TYMS: variants seen among roughly 807,000 people sequenced by gnomAD.
TYMS encodes thymidylate synthetase.
TYMS carries 21 observed loss-of-function variants against 39.3 expected under a neutral mutation model. That is an observed-to-expected ratio of 0.54 (90% confidence interval 0.38 to 0.77). TYMS has a LOEUF of 0.77. Among genes scored for constraint, TYMS ranks in the 30% least tolerant of loss-of-function variants. The probability of loss-of-function intolerance (pLI) is 0.00; values close to 1 mark genes in which losing one functional copy is unlikely to be tolerated. For synonymous variants in TYMS, 171 were observed against 162.2 expected, an observed-to-expected ratio of 1.05 and a Z score of -0.41; for missense variants, 273 against 406.7, an observed-to-expected ratio of 0.67 and a Z score of 2.83.
At position 670,711 on chromosome 18, in the gene TYMS, G is replaced by A. The variant is rs1285151723; in HGVS notation, c.576G>A (p.Leu192=). 3.7e-6 allele frequency: 6 copies of A among 1,614,008 alleles called. No individual in the cohort carries two copies. In the Admixed American group the frequency reaches 1.0e-4, roughly 27 times the overall value. ...WNPRDLPLMA[L]PPCHALCQFY... Reference sequence around the variant, plus strand: ...CCTCAGATCTTCCTCTGATGGCGCTGCCTCCATGCCATGCCCTCTGCCAGT... The same window carrying A: ...CCTCAGATCTTCCTCTGATGGCGCTACCTCCATGCCATGCCCTCTGCCAGT... Residue 192 remains leucine, a synonymous_variant, in exon 5 of 7, where the codon CTG becomes CTA. Transcript: ENST00000323274.
intron 3 of TYMS, among the ~76,000 whole-genome samples, chr18:665,507 T>C (rs1396800494): frequency 1.4e-5 from 2 of 142,510 alleles, no homozygotes; most frequent in African/African-American, 2.7e-5. Flanking sequence ...TTTGTGTCTC[T>C]ATTTCCTTCA....
chr18:670,790 A>G lies in TYMS; in HGVS notation c.655A>G (p.Met219Val). 6.2e-7 allele frequency: 1 copy of G among 1,614,072 alleles called. No homozygotes were observed. ...CCAGCTGTACCAGAGATCGGGAGACATGGGCCTCGGTGTGCCTTTCAACAT... is the reference window on the plus strand; with the variant it reads ...CCAGCTGTACCAGAGATCGGGAGACGTGGGCCTCGGTGTGCCTTTCAACAT... ...SCQLYQRSGD[M>V]GLGVPFNIAS... Residue 219 changes from methionine (M) to valine (V), a missense_variant, in exon 5 of 7, where the codon ATG (methionine) becomes GTG (valine). Around this residue, in one of 3 missense-constraint regions of TYMS, gnomAD observed 228 missense variants for 326.1 expected, o/e 0.70. Coordinates refer to ENST00000323274, the MANE Select transcript of TYMS (RefSeq NM_001071.4).
chr18:659,871 A>G (rs2606240), intron 2 of TYMS, among the ~76,000 whole-genome samples, 157 bp downstream of exon 2: 84,590 of 152,000 alleles, frequency 0.56, 25,140 homozygotes, highest in African/African-American at 0.78. Flanking sequence ...TAGGAATTTG[A>G]GACCAGCCTG....
At chr18:669,486 C>T (rs183830515) in intron 4 of TYMS, 51 of 213,776 alleles carry the variant, frequency 2.4e-4, no homozygotes, top group Non-Finnish European at 2.8e-5. Flanking sequence ...GATTCTCCTG[C>T]CTCAGCCTCC....
rs948933890 is a variant in TYMS, at chr18:660,204, T to C, written c.279+490T>C. The stretch of plus-strand genomic sequence containing the variant: ...TCAGCTCTGACCTTAGCTGCTGCTC[T>C]CTGCACCAGCCCTGCTGTTCTTGTG... On this transcript the variant is annotated intron_variant, in intron 2 of 6. Coordinates refer to ENST00000323274, the MANE Select transcript of TYMS (RefSeq NM_001071.4). The surrounding 1 kb of genome is among the most constrained non-coding windows in gnomAD (Gnocchi z 4.6). 3.3e-5 allele frequency among the ~76,000 whole-genome samples: 5 copies of C among 152,202 alleles called. No individual in the cohort carries two copies. Among genetic ancestry groups the C allele is most frequent in the African/African-American group, 4.8e-5 (2 of 41,452 alleles).
rs761906575 is a variant in TYMS, at chr18:662,182, G to A, written c.316G>A (p.Val106Met). The part of the protein sequence containing the change: ...TNAKELSSKG[V>M]KIWDANGSRD... The stretch of plus-strand genomic sequence containing the variant: ...TGCTAAAGAGCTGTCTTCCAAGGGA[G>A]TGAAAATCTGGGATGCCAATGGATC... Residue 106 changes from valine to methionine, a missense_variant, in exon 3 of 7, where the codon GTG becomes ATG. Transcript: ENST00000323274. 1 of 1,613,768 alleles carries A rather than the reference G, an allele frequency of 6.2e-7. No individual in the cohort carries two copies.
At chr18:661,560 C>T (rs2074755702) in intron 2 of TYMS, among the ~76,000 whole-genome samples, 1 of 152,190 alleles carries the variant, frequency 6.6e-6, no homozygotes, top group Non-Finnish European at 1.5e-5. Context: ...TACTTAAAAG[C>T]ACTTGGAGGT....
rs1215527280 is a variant in TYMS, at chr18:658,078, A to C, written c.205+131A>C. On this transcript the variant is annotated intron_variant, in intron 1 of 6. Coordinates refer to ENST00000323274, the MANE Select transcript of TYMS (RefSeq NM_001071.4). This position sits in a 1 kb window ranked among gnomAD's most constrained non-coding sequence, Gnocchi z 4.5. ...CTCAATCCTGCGAGGGAGGGGACGC[A>C]TCGTCCTCCTCGCCTTACAGACGCC... is the stretch of plus-strand genomic sequence containing the variant. 1 of 1,576,450 alleles carries C rather than the reference A, an allele frequency of 6.3e-7. No individual in the cohort carries two copies. Among genetic ancestry groups the C allele is most frequent in the Non-Finnish European group, 8.6e-7 (1 of 1,164,538 alleles).
chr18:673,322 G>C lies in TYMS; in HGVS notation c.*325G>C, dbSNP rs957258743. ...CCACGTACTTATAAAGAAGGTTGGT[G>C]AATTTCACAAGCTATTTTTGGAATA... On this transcript the variant is annotated 3_prime_UTR_variant, in exon 7 of 7. Coordinates refer to ENST00000323274, the MANE Select transcript of TYMS (RefSeq NM_001071.4). 1 of 240,350 alleles carries C rather than the reference G, an allele frequency of 4.2e-6. No individual in the cohort carries two copies. Among genetic ancestry groups the C allele is most frequent in the Non-Finnish European group, 8.1e-6 (1 of 123,696 alleles). The allele number at this position is 240,350 out of a possible 1,614,324, so 14.9% of individuals were successfully genotyped here.
Position 669,035 on chromosome 18 carries a change from T to C in TYMS, c.455-37T>C, listed in dbSNP as rs778732526. On this transcript the variant is annotated intron_variant, in intron 3 of 6. Transcript: ENST00000323274. ...GCCATCTCATGACATGTGTGATTAATGTATGTACCTGTCCTCTCTTTTTGA... is the reference window on the plus strand; with the variant it reads ...GCCATCTCATGACATGTGTGATTAACGTATGTACCTGTCCTCTCTTTTTGA... 30 of 1,540,090 alleles carry C rather than the reference T, an allele frequency of 1.9e-5. No individual in the cohort carries two copies. The South Asian group carries it at 2.7e-4, about 14-fold the overall frequency.
intron 6 of TYMS, chr18:672,417 T>TCTGTTCA (rs2144406069): frequency 6.5e-6 from 1 of 154,732 alleles, no homozygotes; most frequent in Admixed American, 6.3e-5. Context: ...ATTGCCACTG[T>TCTGTTCA]CTGTTCATCC....
intron 3 of TYMS, among the ~76,000 whole-genome samples, chr18:667,935 T>C (rs2074888932): frequency 6.6e-6 from 1 of 151,862 alleles, no homozygotes; most frequent in Non-Finnish European, 1.5e-5. Context: ...GCTGTTGGAT[T>C]TTAGTAGGAA....
chr18:671,715 T>C (rs1421521274), intron 6 of TYMS: 1 of 495,378 alleles, frequency 2.0e-6, no homozygotes, highest in Non-Finnish European at 3.5e-6. Flanking sequence ...AGCCAGGGGA[T>C]TGTCCAAAAG....
rs949758371 is a variant in TYMS, at chr18:659,553, C to T, written c.206-88C>T. ...GCTTTCTGGATGCTCCAGGGCCTCA[C>T]GTCCCAGGGCAGTTTTCTTCCCTGA... On this transcript the variant is annotated intron_variant, in intron 1 of 6. Transcript: ENST00000323274. 8.0e-6 allele frequency: 9 copies of T among 1,130,660 alleles called. No individual in the cohort carries two copies. The African/African-American group carries it at 9.2e-5, about 12-fold the overall frequency. The allele number at this position is 1,130,660 out of a possible 1,614,324, so 70.0% of individuals were successfully genotyped here. A position where few individuals can be genotyped will look rare whatever the true frequency, so the allele number is the denominator to read the frequency against.
chr18:669,525 A>AC (rs1182568232), intron 4 of TYMS: 1 of 197,996 alleles, frequency 5.1e-6, no homozygotes, highest in Non-Finnish European at 1.0e-5. Flanking sequence ...GGCATGTGCC[A>AC]CCATGCCCGG....
chr18:672,890 C>G lies in TYMS; in HGVS notation c.835C>G (p.Leu279Val), dbSNP rs1467164009. 4.4e-6 allele frequency: 7 copies of G among 1,594,980 alleles called. No homozygotes were observed. Among genetic ancestry groups the G allele is most frequent in the African/African-American group, 1.3e-5 (1 of 74,720 alleles). Residue 279 changes from leucine (L) to valine (V), a missense_variant, in exon 7 of 7, where the codon CTC (leucine) becomes GTC (valine). By Grantham distance (32) the Leu-to-Val change is conservative. Around this residue, in one of 3 missense-constraint regions of TYMS, gnomAD observed 35 missense variants for 42.4 expected, o/e 0.83. Transcript: ENST00000323274. ...GCGAGAACCCAGACCTTTCCCAAAG[C>G]TCAGGATTCTTCGAAAAGTTGAGAA... ...LQREPRPFPK[L>V]RILRKVEKID... is the part of the protein sequence containing the mutation.
chr18:669,004 TC>T (rs2074922239), intron 3 of TYMS, 67 bp from the exon 4 acceptor site: 54 of 1,363,596 alleles, frequency 4.0e-5, no homozygotes, highest in Non-Finnish European at 5.5e-5. Flanking sequence ...ATAGATGACC[TC>T]TAAGGCCATC....
At position 658,048 on chromosome 18, in the gene TYMS, C is replaced by G. The variant is rs190076880; in HGVS notation, c.205+101C>G. The G allele has an allele frequency of 6.8e-4, 1,071 of 1,566,842 alleles. 9 individuals are homozygous for G. The African/African-American group carries it at 0.013, about 19-fold the overall frequency. On this transcript the variant is annotated intron_variant, in intron 1 of 6. Transcript: ENST00000323274. This position sits in a 1 kb window ranked among gnomAD's most constrained non-coding sequence, Gnocchi z 4.5. ...CGGGCGCTGCGGACCCCGTTTAGTC[C>G]TAACCTCAATCCTGCGAGGGAGGGG...
At chr18:662,450 A>T in intron 3 of TYMS, 130 bp downstream of exon 3, 3 of 697,146 alleles carry the variant, frequency 4.3e-6, no homozygotes, top group Non-Finnish European at 6.4e-6. Flanking sequence ...TGACCTTGTG[A>T]GGGGTGGTGC....
Sources: allele counts gnomAD v4.1 joint callset (sites outside exome capture counted in the v4.1 genomes callset), GRCh38; gene constraint gnomAD v4.1.1; regional missense constraint gnomAD v4.1.1; non-coding constraint Gnocchi (gnomAD v3.1); transcripts MANE v1.5; gene names NCBI Gene and HGNC (gene_info 2026-07-23, HGNC 2026-07-21).